Variants in BRCA2 observed in about 807,000 individuals in gnomAD.
BRCA2 encodes breast cancer type 2 susceptibility protein.
A neutral mutation model predicts 276.7 loss-of-function variants in BRCA2; 203 were observed. That is an observed-to-expected ratio of 0.73 (90% confidence interval 0.65 to 0.82). The LOEUF (loss-of-function observed/expected upper bound fraction) is 0.82, where lower values mean the gene tolerates loss of function less well. Among genes scored for constraint, BRCA2 ranks in the 40% least tolerant of loss-of-function variants. BRCA2 has a pLI of 0.00. For missense variants in BRCA2, 3,920 were observed against 3,915.0 expected, an observed-to-expected ratio of 1.00 and a Z score of -0.03; for synonymous variants, 1,289 against 1,338.4, an observed-to-expected ratio of 0.96 and a Z score of 0.81.
At chr13:32,341,351 A>T (rs961633053) in intron 11 of BRCA2, among the ~76,000 whole-genome samples, 155 bp downstream of exon 11, 2 of 152,136 alleles carry the variant, frequency 1.3e-5, no homozygotes, top group Non-Finnish European at 2.9e-5. Flanking sequence ...TGATATACAG[A>T]TACACAGATT....
chr13:32,392,960 A>C (rs2073007380), intron 24 of BRCA2, among the ~76,000 whole-genome samples: 1 of 152,114 alleles, frequency 6.6e-6, no homozygotes. Flanking sequence ...ATGTTTTTGA[A>C]TAGACTGATC....
In BRCA2 at chr13:32,356,610, G is replaced by A. The variant is rs397507922; in HGVS notation, c.7617+1G>A. ...TCCCTCTGCGTGTTCTCATAAACAG[G>A]TATGTGTTTGTCTACAATACTGATG... On this transcript the variant is annotated splice_donor_variant, in intron 15 of 26. Coordinates refer to ENST00000380152, the MANE Select transcript of BRCA2 (RefSeq NM_000059.4). LOFTEE classifies it high-confidence loss of function. 6.2e-7 allele frequency: 1 copy of A among 1,613,814 alleles called. No individual in the cohort carries two copies.
chr13:32,362,417 AATG>A, intron 16 of BRCA2, 103 bp from the exon 17 acceptor site: 1 of 1,093,318 alleles, frequency 9.1e-7, no homozygotes, highest in Non-Finnish European at 1.4e-6. Context: ...ATAAAAACTT[AATG>A]ATCTTGAACA....
rs369452046 is a variant in BRCA2 at position 32,341,074 on chromosome 13, T to A, written c.6719T>A (p.Leu2240Gln). The A allele has an allele frequency of 1.9e-6, 3 of 1,613,876 alleles. No individual in the cohort carries two copies. The African/African-American group carries it at 4.0e-5, about 22-fold the overall frequency. ...AAAGCTTTTATGGAAGATGATGAAC[T>A]GACAGATTCTAAACTGCCAAGTCAT... Reference protein sequence around the residue: ...IAKAFMEDDELTDSKLPSHAT... With the variant: ...IAKAFMEDDEQTDSKLPSHAT... The change falls in exon 11 of 27, where the codon CTG (leucine) becomes CAG (glutamine). Residue 2240 changes from leucine (L) to glutamine (Q), a missense_variant. Physicochemically the swap from Leu to Gln is moderately radical, Grantham distance 113. This residue lies in a region of BRCA2 where 3,263 missense variants were observed against 3,156.9 expected (regional missense o/e 1.03). Transcript: ENST00000380152.
At chr13:32,335,887 T>A (rs766624029) in intron 10 of BRCA2, among the ~76,000 whole-genome samples, 1 of 152,174 alleles carries the variant, frequency 6.6e-6, no homozygotes, top group Non-Finnish European at 1.5e-5. Flanking sequence ...TTAATTTATT[T>A]ATTTTTATTT....
rs1555282410 is a variant in BRCA2, at chr13:32,336,385, C to A, written c.2030C>A (p.Ser677Tyr). Residue 677 changes from serine (S) to tyrosine (Y), a missense_variant, in exon 11 of 27, where the codon TCT becomes TAT. By Grantham distance (144) the Ser-to-Tyr change is moderately radical. Transcript: ENST00000380152. ...AAATGTTCTAGAAATGAAACATGTT[C>A]TAATAATACAGTAATCTCTCAGGAT... ...LRKCSRNETCSNNTVISQDLD... is the reference protein window; with the variant it reads ...LRKCSRNETCYNNTVISQDLD... The A allele has an allele frequency of 1.2e-6, 2 of 1,612,256 alleles. No individual in the cohort carries two copies. Among genetic ancestry groups the A allele is most frequent in the South Asian group, 2.2e-5 (2 of 90,570 alleles).
chr13:32,334,242 T>C (rs944305482), intron 10 of BRCA2, among the ~76,000 whole-genome samples: 6 of 152,224 alleles, frequency 3.9e-5, no homozygotes, highest in African/African-American at 2.4e-5. Flanking sequence ...AGCCAACAAC[T>C]TGAGACAGTT....
At chr13:32,332,172 C>A in intron 9 of BRCA2, 100 bp from the exon 10 acceptor site, 2 of 1,176,488 alleles carry the variant, frequency 1.7e-6, no homozygotes, top group Non-Finnish European at 1.2e-6. Context: ...TAATATTTAG[C>A]ACATTCTACA....
At chr13:32,346,740 T>C in intron 12 of BRCA2, 87 bp from the exon 13 acceptor site, 1 of 1,038,574 alleles carries the variant, frequency 9.6e-7, no homozygotes, top group South Asian at 1.5e-5. Flanking sequence ...AAGCCTATAA[T>C]TGTCTCAAAT....
rs9534367 is a variant in BRCA2 at position 32,390,367 on chromosome 13, C to T, written c.9257-4322C>T. On this transcript the variant is annotated intron_variant, in intron 24 of 26. Transcript: ENST00000380152. ...AGGACTTTGGGAGGCTGAGGCGGCT[C>T]GCAAGGCTAGGAGTTTGGGACAAGT... Among the ~76,000 whole-genome samples, 23,818 of 151,864 alleles carry T rather than the reference C, an allele frequency of 0.16. 2,352 individuals are homozygous for T. The highest frequency in any genetic ancestry group is 0.23 in the South Asian group (1,102 of 4,806).
In BRCA2 at chr13:32,355,249, G is replaced by A. The variant is rs2072684110; in HGVS notation, c.7396G>A (p.Val2466Ile). The change falls in exon 14 of 27, where the codon GTA becomes ATA. Residue 2466 changes from valine (V) to isoleucine (I), a missense_variant. Transcript: ENST00000380152. Reference protein sequence around the residue: ...QFNKNNSNQAVAVTFTKCEEE... With the variant: ...QFNKNNSNQAIAVTFTKCEEE... ...TAACAAAAACAACTCCAATCAAGCA[G>A]TAGCTGTAACTTTCACAAAGTGTGA... 1 of 1,613,350 alleles carries A rather than the reference G, an allele frequency of 6.2e-7. No individual in the cohort carries two copies. The highest frequency in any genetic ancestry group is 8.5e-7 in the Non-Finnish European group (1 of 1,179,444).
Position 32,338,053 on chromosome 13 carries a change from C to T in BRCA2, c.3698C>T (p.Ala1233Val), listed in dbSNP as rs745700206. 6.8e-6 allele frequency: 11 copies of T among 1,610,862 alleles called. No homozygotes were observed. The highest frequency in any genetic ancestry group is 8.5e-6 in the Non-Finnish European group (10 of 1,178,730). ...ACAAAACTGAATGTTTCTACTGAAG[C>T]TCTGCAAAAAGCTGTGAAACTGTTT... Reference protein sequence around the residue: ...HGTKLNVSTEALQKAVKLFSD... With the variant: ...HGTKLNVSTEVLQKAVKLFSD... Residue 1233 changes from alanine (A) to valine (V), a missense_variant, in exon 11 of 27, where the codon GCT becomes GTT. By Grantham distance (64) the Ala-to-Val change is moderately conservative (BLOSUM62 0). This residue lies in a region of BRCA2 where 3,263 missense variants were observed against 3,156.9 expected (regional missense o/e 1.03). Transcript: ENST00000380152.
In BRCA2 at chr13:32,338,566, C is replaced by G. The variant is rs41293489; in HGVS notation, c.4211C>G (p.Ser1404Ter). 1 of 1,595,722 alleles carries G rather than the reference C, an allele frequency of 6.3e-7. No homozygotes were observed. Among genetic ancestry groups the G allele is most frequent in the Non-Finnish European group, 8.5e-7 (1 of 1,171,874 alleles). ...CAAGAAGCATGTCATGGTAATACTT[C>G]AAATAAAGAACAGTTAACTGCTACT... The part of the protein sequence containing the change: ...KAQEACHGNT[S>*]NKEQLTATKT... Residue 1404 changes from serine to a stop codon, truncating the protein, a stop_gained, in exon 11 of 27, where the codon TCA becomes TGA. Transcript: ENST00000380152. LOFTEE classifies it high-confidence loss of function.
At position 32,332,629 on chromosome 13, in the gene BRCA2, C is replaced by T. The variant is rs41293475; in HGVS notation, c.1151C>T (p.Ser384Phe). ...TTTGAGAGTGGAAGTGACAAAATCT[C>T]CAAGGAAGTTGTACCGTCTTTGGCC... ...KPFESGSDKI[S>F]KEVVPSLACE... The change falls in exon 10 of 27, where the codon TCC (serine) becomes TTC (phenylalanine). Residue 384 changes from serine to phenylalanine, a missense_variant. Around this residue, in one of 2 missense-constraint regions of BRCA2, gnomAD observed 3,263 missense variants for 3,156.9 expected, o/e 1.03. Coordinates refer to ENST00000380152, the MANE Select transcript of BRCA2 (RefSeq NM_000059.4). The T allele has an allele frequency of 1.3e-3, 2,072 of 1,614,058 alleles. 2 individuals carry two copies. Among genetic ancestry groups the T allele is most frequent in the Non-Finnish European group, 1.6e-3 (1,908 of 1,179,958 alleles).
rs561743241 is a variant in BRCA2 at position 32,321,756 on chromosome 13, T to A, written c.316+2431T>A. Among the ~76,000 whole-genome samples the A allele has an allele frequency of 2.1e-3, 321 of 152,340 alleles. 1 individual carries two copies. The highest frequency in any genetic ancestry group is 3.4e-3 in the Non-Finnish European group (233 of 68,028). ...TTCAGTTCTAACATGTAATATTTTTTAAAAAATTATTCCTAAAGTTCTATG... is the reference window on the plus strand; with the variant it reads ...TTCAGTTCTAACATGTAATATTTTTAAAAAAATTATTCCTAAAGTTCTATG... On this transcript the variant is annotated intron_variant, in intron 3 of 26. Transcript: ENST00000380152.
chr13:32,330,942 T>G lies in BRCA2; in HGVS notation c.705T>G (p.Asn235Lys), dbSNP rs587781484. Residue 235 changes from asparagine to lysine, a missense_variant, in exon 9 of 27, where the codon AAT becomes AAG. This residue lies in a region of BRCA2 where 3,263 missense variants were observed against 3,156.9 expected (regional missense o/e 1.03). Transcript: ENST00000380152. ...TTANVKSYFS[N>K]HDESLKKNDR... ...AGAATGTGAAAAGCTATTTTTCCAA[T>G]CATGATGAAAGTCTGAAGAAAAATG... 1.9e-6 allele frequency: 3 copies of G among 1,612,226 alleles called. No homozygotes were observed. Among genetic ancestry groups the G allele is most frequent in the Non-Finnish European group, 8.5e-7 (1 of 1,178,542 alleles).
rs876659299 is a variant in BRCA2 at position 32,336,822 on chromosome 13, G to C, written c.2467G>C (p.Ala823Pro). The C allele has an allele frequency of 6.2e-7, 1 of 1,603,364 alleles. No homozygotes were observed. The highest frequency in any genetic ancestry group is 8.5e-7 in the Non-Finnish European group (1 of 1,177,222). ...CATGGAAAAGAATCAAGATGTATGT[G>C]CTTTAAATGAAAATTATAAAAACGT... ...IPMEKNQDVCALNENYKNVEL... is the reference protein window; with the variant it reads ...IPMEKNQDVCPLNENYKNVEL... The change falls in exon 11 of 27, where the codon GCT becomes CCT. Residue 823 changes from alanine to proline, a missense_variant. By Grantham distance (27) the Ala-to-Pro change is conservative. This residue lies in a region of BRCA2 where 3,263 missense variants were observed against 3,156.9 expected (regional missense o/e 1.03). Transcript: ENST00000380152.
rs55848377 is a variant in BRCA2 at position 32,398,004 on chromosome 13, A to G, written c.9649-158A>G. The stretch of plus-strand genomic sequence containing the variant: ...AAAATTACTTTCATCTAGAATAGGA[A>G]TAATGTGAACTGAAATCACCTAACC... On this transcript the variant is annotated intron_variant, in intron 26 of 26. Coordinates refer to ENST00000380152, the MANE Select transcript of BRCA2 (RefSeq NM_000059.4). Among the ~76,000 whole-genome samples, 56 of 152,322 alleles carry G rather than the reference A, an allele frequency of 3.7e-4. 2 individuals carry two copies. In the East Asian group the frequency reaches 5.6e-3, roughly 15 times the overall value.
intron 24 of BRCA2, among the ~76,000 whole-genome samples, chr13:32,389,451 C>G (rs947933727): frequency 2.0e-5 from 3 of 152,056 alleles, no homozygotes; most frequent in Non-Finnish European, 4.4e-5. Flanking sequence ...TAAACAATTT[C>G]TTTTAGGCAA....
Sources: allele counts gnomAD v4.1 joint callset (sites outside exome capture counted in the v4.1 genomes callset), GRCh38; gene constraint gnomAD v4.1.1; regional missense constraint gnomAD v4.1.1; transcripts MANE v1.5; gene names NCBI Gene and HGNC (gene_info 2026-07-23, HGNC 2026-07-21).